Variants in PCDHGA4 observed in about 807,000 individuals in gnomAD.
The protein encoded by PCDHGA4 is protocadherin gamma-A4.
PCDHGA4 carries 38 observed loss-of-function variants against 54.6 expected under a neutral mutation model. The ratio of observed to expected loss-of-function variants is 0.70; its 90% CI spans 0.54 to 0.91. PCDHGA4 has a LOEUF of 0.91. Ranked by LOEUF, PCDHGA4 falls within the 40% of genes least tolerant of loss-of-function variation. The probability of loss-of-function intolerance (pLI) is 0.00; values close to 1 mark genes in which losing one functional copy is unlikely to be tolerated. For missense variants in PCDHGA4, 1,298 were observed against 1,220.9 expected (o/e 1.06, Z -0.94); for synonymous variants, 511 against 512.9 (o/e 1.00, Z 0.05).
At chr5:141,374,495 T>C in intron 1 of PCDHGA4, 2 of 1,611,502 alleles carry the variant, frequency 1.2e-6, no homozygotes, top group Non-Finnish European at 8.5e-7. Context: ...AAAGGAAGAA[T>C]TGGAAGTGAA....
intron 1 of PCDHGA4, chr5:141,361,620 C>T (rs1265757132): frequency 1.2e-6 from 2 of 1,613,974 alleles, no homozygotes; most frequent in East Asian, 4.5e-5. Context: ...TAGCGAGCGA[C>T]CTGAAGCCGC....
intron 1 of PCDHGA4, chr5:141,393,614 C>G: frequency 6.2e-7 from 1 of 1,613,778 alleles, no homozygotes; most frequent in Non-Finnish European, 8.5e-7. Context: ...TAACAGCCAG[C>G]GACCCGGATG....
intron 3 of PCDHGA4, among the ~76,000 whole-genome samples, chr5:141,506,045 C>G (rs1379226123): frequency 6.6e-6 from 1 of 152,078 alleles, no homozygotes; most frequent in Non-Finnish European, 1.5e-5. Flanking sequence ...TCTGGTTTTC[C>G]CATAAGGTTG....
At chr5:141,483,534 G>C (rs754118568) in intron 1 of PCDHGA4, among the ~76,000 whole-genome samples, 1 of 152,102 alleles carries the variant, frequency 6.6e-6, no homozygotes, top group Non-Finnish European at 1.5e-5. Flanking sequence ...AAGGAAGCTG[G>C]GTGGTTGACA....
intron 1 of PCDHGA4, among the ~76,000 whole-genome samples, chr5:141,429,386 T>TA (rs1561841076): frequency 9.9e-5 from 15 of 151,936 alleles, no homozygotes; most frequent in South Asian, 8.3e-4. Flanking sequence ...TGTTTTTTTT[T>TA]TAAAAAAAAT....
rs759239364 is a variant in PCDHGA4 at position 141,361,410 on chromosome 5, C to T, written c.2514+3789C>T. 1.6e-5 allele frequency: 26 copies of T among 1,613,936 alleles called. No homozygotes were observed. In the Admixed American group the frequency reaches 4.0e-4, roughly 25 times the overall value. ...AATACAATCTCACCATCACAGCCAC[C>T]GACGGGGGCAAGCCGCCCCTCTCCT... On this transcript the variant is annotated intron_variant, in intron 1 of 3. Transcript: ENST00000571252.
chr5:141,400,590 T>A, intron 1 of PCDHGA4: 3 of 1,604,846 alleles, frequency 1.9e-6, no homozygotes, highest in Non-Finnish European at 2.6e-6. Context: ...CATGAAACTA[T>A]CGTACATTTT....
At position 141,490,456 on chromosome 5, in the gene PCDHGA4, C is replaced by G. The variant is rs370141879; in HGVS notation, c.2515-4351C>G. On this transcript the variant is annotated intron_variant, in intron 1 of 3. Transcript: ENST00000571252. The surrounding 1 kb of genome is among the most constrained non-coding windows in gnomAD (Gnocchi z 5.4). The stretch of plus-strand genomic sequence containing the variant: ...TAAGCCTTCTGAGAACCACTACTCG[C>G]TGCTAACCAGCCAGCCTTTGGACCG... 3.7e-6 allele frequency: 6 copies of G among 1,614,114 alleles called. No individual in the cohort carries two copies. Among genetic ancestry groups the G allele is most frequent in the Non-Finnish European group, 5.1e-6 (6 of 1,180,058 alleles).
At chr5:141,403,105 C>T in intron 1 of PCDHGA4, 1 of 1,614,056 alleles carries the variant, frequency 6.2e-7, no homozygotes. Flanking sequence ...TCTCCAAGGA[C>T]CTGGCTCTGG....
At chr5:141,434,609 G>A (rs189866750) in intron 1 of PCDHGA4, among the ~76,000 whole-genome samples, 11 of 152,064 alleles carry the variant, frequency 7.2e-5, no homozygotes, top group Non-Finnish European at 1.3e-4. Context: ...CTTTATTTCC[G>A]CCCATCTCTT....
chr5:141,458,249 GCT>G (rs1291613361), intron 1 of PCDHGA4, among the ~76,000 whole-genome samples: 1 of 152,136 alleles, frequency 6.6e-6, no homozygotes, highest in African/African-American at 2.4e-5. Flanking sequence ...AAATGATACG[GCT>G]CTGATGAGTG....
rs767003818 is a variant in PCDHGA4, at chr5:141,361,414, G to A, written c.2514+3793G>A. ...CAATCTCACCATCACAGCCACCGAC[G>A]GGGGCAAGCCGCCCCTCTCCTCCAG... is the stretch of plus-strand genomic sequence containing the variant. On this transcript the variant is annotated intron_variant, in intron 1 of 3. Coordinates refer to ENST00000571252, the MANE Select transcript of PCDHGA4 (RefSeq NM_018917.4). The A allele has an allele frequency of 2.4e-5, 38 of 1,613,876 alleles. No individual in the cohort carries two copies. Among genetic ancestry groups the A allele is most frequent in the Admixed American group, 1.0e-4 (6 of 60,004 alleles).
At chr5:141,385,876 G>A (rs1395840676) in intron 1 of PCDHGA4, 1 of 152,842 alleles carries the variant, frequency 6.5e-6, no homozygotes, top group Non-Finnish European at 1.5e-5. Flanking sequence ...TTGGATTTAT[G>A]CCTAAAGAAT....
At position 141,477,744 on chromosome 5, in the gene PCDHGA4, G is replaced by A; in HGVS notation, c.2515-17063G>A. On this transcript the variant is annotated intron_variant, in intron 1 of 3. Coordinates refer to ENST00000571252, the MANE Select transcript of PCDHGA4 (RefSeq NM_018917.4). The surrounding 1 kb of genome is among the most constrained non-coding windows in gnomAD (Gnocchi z 4.9). Reference sequence around the variant, plus strand: ...TTAACAGCTCATATCAGCGATGGGGGCACCCCGGTCCTAGCCACCAACATC... The same window carrying A: ...TTAACAGCTCATATCAGCGATGGGGACACCCCGGTCCTAGCCACCAACATC... 6.2e-7 allele frequency: 1 copy of A among 1,613,778 alleles called. No homozygotes were observed. The highest frequency in any genetic ancestry group is 8.5e-7 in the Non-Finnish European group (1 of 1,180,028).
chr5:141,478,801 T>G (rs2099477985), intron 1 of PCDHGA4: 1 of 1,463,438 alleles, frequency 6.8e-7, no homozygotes, highest in African/African-American at 1.4e-5. Flanking sequence ...TCAGCACTCT[T>G]TTGCTATCAC....
In PCDHGA4 at chr5:141,455,253, C is replaced by A. The variant is rs187877877; in HGVS notation, c.2515-39554C>A. 2.8e-3 allele frequency among the ~76,000 whole-genome samples: 433 copies of A among 151,986 alleles called. 1 individual carries two copies. Among genetic ancestry groups the A allele is most frequent in the Admixed American group, 0.021 (319 of 15,266 alleles). ...AAAATGTTAAAGGTCATAGTACAAT[C>A]GCATTTCTTCCCATTGATTATTAAC... is the stretch of plus-strand genomic sequence containing the variant. On this transcript the variant is annotated intron_variant, in intron 1 of 3. Coordinates refer to ENST00000571252, the MANE Select transcript of PCDHGA4 (RefSeq NM_018917.4).
chr5:141,375,705 C>T, intron 1 of PCDHGA4: 7 of 1,614,280 alleles, frequency 4.3e-6, no homozygotes, highest in Non-Finnish European at 5.9e-6. Context: ...GGGGACCCGC[C>T]TCTTAGCAGC....
At chr5:141,415,688 T>A (rs373105795) in intron 1 of PCDHGA4, 395 of 1,545,880 alleles carry the variant, frequency 2.6e-4, no homozygotes, top group Non-Finnish European at 3.3e-4. Context: ...GGCATGATGG[T>A]GGAAAGTGTA....
At position 141,477,632 on chromosome 5, in the gene PCDHGA4, G is replaced by A. The variant is rs1262622928; in HGVS notation, c.2515-17175G>A. Reference sequence around the variant, plus strand: ...GGAGCAAGGAGCTGAAACCGGGCTAGTGGGTCGCTATTTCACAATAAATCG... The same window carrying A: ...GGAGCAAGGAGCTGAAACCGGGCTAATGGGTCGCTATTTCACAATAAATCG... On this transcript the variant is annotated intron_variant, in intron 1 of 3. Coordinates refer to ENST00000571252, the MANE Select transcript of PCDHGA4 (RefSeq NM_018917.4). This position sits in a 1 kb window ranked among gnomAD's most constrained non-coding sequence, Gnocchi z 4.9. 6.8e-6 allele frequency: 11 copies of A among 1,614,218 alleles called. No homozygotes were observed. Among genetic ancestry groups the A allele is most frequent in the Non-Finnish European group, 9.3e-6 (11 of 1,180,046 alleles).
Sources: gnomAD v4.1 joint callset for allele counts (sites outside exome capture counted in the v4.1 genomes callset) on GRCh38, gnomAD v4.1.1 for gene constraint, Gnocchi (gnomAD v3.1) non-coding constraint, MANE v1.5 for transcripts, NCBI Gene and HGNC (gene_info 2026-07-23, HGNC 2026-07-21) for gene names.